Variants in RGS22 observed in about 807,000 individuals in gnomAD.
RGS22 encodes regulator of G protein signaling 22, also known as regulator of G-protein signaling 22.
A neutral mutation model predicts 172.9 loss-of-function variants in RGS22; 148 were observed. The ratio of observed to expected loss-of-function variants is 0.86; its 90% CI spans 0.75 to 0.98. RGS22 has a LOEUF of 0.98. RGS22 is among the 50% of genes least tolerant of loss of function. The pLI, the probability that RGS22 is intolerant of heterozygous loss-of-function variation, is 0.00. For missense variants in RGS22, 1,347 were observed against 1,440.8 expected (o/e 0.93, Z 1.05); for synonymous variants, 458 against 480.2 (o/e 0.95, Z 0.60).
intron 9 of RGS22, among the ~76,000 whole-genome samples, chr8:100,060,267 G>T: frequency 6.6e-6 from 1 of 151,416 alleles, no homozygotes; most frequent in East Asian, 1.9e-4. Context: ...AATGTCACAT[G>T]TATGTTCTTC....
chr8:100,092,487 T>C (rs1352997174), intron 3 of RGS22, among the ~76,000 whole-genome samples: 2 of 152,190 alleles, frequency 1.3e-5, no homozygotes, highest in Non-Finnish European at 2.9e-5. Flanking sequence ...AATGGATTAA[T>C]GTTGTTATCT....
chr8:99,984,040 T>C (rs1812817703), intron 21 of RGS22, among the ~76,000 whole-genome samples: 1 of 152,112 alleles, frequency 6.6e-6, no homozygotes, highest in South Asian at 2.1e-4. Flanking sequence ...TCCCAACAAT[T>C]TGGGAGGCCG....
intron 14 of RGS22, among the ~76,000 whole-genome samples, chr8:100,016,752 G>A (rs1433198698): frequency 6.6e-6 from 1 of 151,944 alleles, no homozygotes; most frequent in Non-Finnish European, 1.5e-5. Context: ...ATTCCAGCCT[G>A]GGCGACAGAG....
chr8:100,097,773 G>T (rs911999743), intron 2 of RGS22, among the ~76,000 whole-genome samples: 1 of 152,090 alleles, frequency 6.6e-6, no homozygotes, highest in Non-Finnish European at 1.5e-5. Context: ...GACTGACCTC[G>T]GTTCACCGTA....
At chr8:99,964,270 T>C (rs1227410337) in intron 24 of RGS22, among the ~76,000 whole-genome samples, 1 of 151,970 alleles carries the variant, frequency 6.6e-6, no homozygotes, top group African/African-American at 2.4e-5. Context: ...CTGGGCAACA[T>C]GGCGAAACCT....
intron 10 of RGS22, among the ~76,000 whole-genome samples, chr8:100,048,061 T>C (rs949220940): frequency 1.3e-5 from 2 of 152,104 alleles, no homozygotes; most frequent in Non-Finnish European, 2.9e-5. Context: ...CAGCACTATT[T>C]CCTTCCATTT....
chr8:100,043,782 C>A (rs376655477), intron 11 of RGS22, among the ~76,000 whole-genome samples: 2,847 of 150,396 alleles, frequency 0.019, 78 homozygotes, highest in African/African-American at 0.062. Flanking sequence ...CAAAAAAAAA[C>A]AAAAAACAAA....
rs1814783882 is a variant in RGS22 at position 99,999,482 on chromosome 8, T to A, written c.2791-62A>T. 10 of 1,554,918 alleles carry A rather than the reference T, an allele frequency of 6.4e-6. No homozygotes were observed. The South Asian group carries it at 9.4e-5, about 15-fold the overall frequency. ...TTTCTAAAAGAAACACTAATAGTCA[T>A]TAATTCATTCATTCACTACAAAACC... On this transcript the variant is annotated intron_variant, in intron 18 of 27. Coordinates refer to ENST00000360863, the MANE Select transcript of RGS22 (RefSeq NM_015668.5).
chr8:99,988,571 C>T (rs1813355668), intron 20 of RGS22, among the ~76,000 whole-genome samples: 1 of 152,128 alleles, frequency 6.6e-6, no homozygotes. Flanking sequence ...TTTAGCAACA[C>T]ATAAAATAAA....
intron 20 of RGS22, among the ~76,000 whole-genome samples, chr8:99,989,006 C>T (rs1401239417): frequency 6.6e-6 from 1 of 151,800 alleles, no homozygotes; most frequent in Non-Finnish European, 1.5e-5. Flanking sequence ...AAATTTAAAA[C>T]CTGTAATTTA....
At chr8:100,064,653 A>G (rs1373007516) in intron 7 of RGS22, among the ~76,000 whole-genome samples, 1 of 152,198 alleles carries the variant, frequency 6.6e-6, no homozygotes, top group Non-Finnish European at 1.5e-5. Flanking sequence ...TACATTATGT[A>G]CTTTTAAAAT....
rs751254727 is a variant in RGS22, at chr8:100,066,225, C to T, written c.666G>A (p.Ser222=). The T allele has an allele frequency of 8.7e-6, 14 of 1,613,166 alleles. No homozygotes were observed. Among genetic ancestry groups the T allele is most frequent in the Middle Eastern group, 1.7e-4 (1 of 6,056 alleles). ...TGTTGTAGGGTACACAACAGGGTAA[C>T]GAAAAGGTTGATACTGTTTGCTGAC... ...KQSQQTVSTF[S]LPCCVPYNKL... Residue 222 remains serine (S), a synonymous_variant, in exon 7 of 28, where the codon TCG becomes TCA. Coordinates refer to ENST00000360863, the MANE Select transcript of RGS22 (RefSeq NM_015668.5).
At chr8:100,001,204 A>T (rs1317073681) in intron 18 of RGS22, among the ~76,000 whole-genome samples, 12 of 133,434 alleles carry the variant, frequency 9.0e-5, no homozygotes, top group Non-Finnish European at 1.6e-4. Flanking sequence ...CCAATTTTTT[A>T]TATATATATA....
chr8:99,999,363 C>G lies in RGS22; in HGVS notation c.2848G>C (p.Val950Leu), dbSNP rs771238269. The G allele has an allele frequency of 2.5e-6, 4 of 1,613,818 alleles. No homozygotes were observed. In the African/African-American group the frequency reaches 5.3e-5, roughly 22 times the overall value. Residue 950 changes from valine to leucine, a missense_variant, in exon 19 of 28, where the codon GTT (valine) becomes CTT (leucine). Transcript: ENST00000360863. ...ACATGCTTCTGGATTTCAACTAGAA[C>G]AGGTGCATCAAGCTGCTCATGAAGA... ...KILHEQLDAP[V>L]LVEIQKHVQN...
intron 4 of RGS22, among the ~76,000 whole-genome samples, chr8:100,076,381 T>C (rs1467338035): frequency 6.6e-6 from 1 of 152,194 alleles, no homozygotes; most frequent in Non-Finnish European, 1.5e-5. Context: ...AGGATTTTTG[T>C]GGTCTGTGTT....
chr8:99,981,928 A>C lies in RGS22; in HGVS notation c.3360+9T>G, dbSNP rs370987410. 6.2e-7 allele frequency: 1 copy of C among 1,601,898 alleles called. No individual in the cohort carries two copies. Among genetic ancestry groups the C allele is most frequent in the Non-Finnish European group, 8.5e-7 (1 of 1,174,740 alleles). On this transcript the variant is annotated intron_variant, in intron 22 of 27. Coordinates refer to ENST00000360863, the MANE Select transcript of RGS22 (RefSeq NM_015668.5). ...AAAATATGCTTAGCCACATGCCCTGATCTCTTACCTGTGCCTCTCTAAATA... is the reference window on the plus strand; with the variant it reads ...AAAATATGCTTAGCCACATGCCCTGCTCTCTTACCTGTGCCTCTCTAAATA...
At chr8:100,092,027 A>C (rs1328395087) in intron 3 of RGS22, 6 of 151,026 alleles carry the variant, frequency 4.0e-5, no homozygotes, top group Admixed American at 4.0e-4. Flanking sequence ...TTTTAGAAAA[A>C]TAAAATCACA....
intron 2 of RGS22, among the ~76,000 whole-genome samples, chr8:100,097,442 G>T (rs1813062587): frequency 1.3e-5 from 2 of 152,154 alleles, no homozygotes; most frequent in African/African-American, 4.8e-5. Context: ...AAATAAGATG[G>T]ACTGATGGAT....
intron 6 of RGS22, among the ~76,000 whole-genome samples, chr8:100,070,715 G>C (rs920697196): frequency 6.6e-6 from 1 of 152,138 alleles, no homozygotes; most frequent in African/African-American, 2.4e-5. Context: ...AAATTAGTTA[G>C]CATAAATCTA....
Sources: gnomAD v4.1 joint callset for allele counts (sites outside exome capture counted in the v4.1 genomes callset) on GRCh38, gnomAD v4.1.1 for gene constraint, MANE v1.5 for transcripts, NCBI Gene and HGNC (gene_info 2026-07-23, HGNC 2026-07-21) for gene names.